The following MAPK10 variants were observed in gnomAD, a reference collection of about 807,000 sequenced individuals.
MAPK10 encodes JNK3 alpha protein kinase.
MAPK10 carries 25 observed loss-of-function variants against 59.3 expected under a neutral mutation model. The observed-to-expected ratio is 0.42, with a 90% CI of 0.31 to 0.59. The LOEUF (loss-of-function observed/expected upper bound fraction) is 0.59, where lower values mean the gene tolerates loss of function less well. Ranked by LOEUF, MAPK10 falls within the 20% of genes least tolerant of loss-of-function variation. MAPK10 has a pLI of 0.15. For missense variants in MAPK10, 351 were observed against 568.9 expected (o/e 0.62, Z 3.90); for synonymous variants, 190 against 200.5 (o/e 0.95, Z 0.44).
intron 11 of MAPK10, among the ~76,000 whole-genome samples, chr4:86,055,963 C>A (rs938322610): frequency 1.3e-5 from 2 of 150,090 alleles, no homozygotes; most frequent in Non-Finnish European, 3.0e-5. Flanking sequence ...AAGTACATTA[C>A]TGTACCCTGT....
intron 3 of MAPK10, among the ~76,000 whole-genome samples, chr4:86,176,784 GGTAGACCGT>G (rs2075778606): frequency 1.3e-5 from 2 of 151,954 alleles, no homozygotes; most frequent in Admixed American, 6.6e-5. Flanking sequence ...CATAAAAACA[GGTAGACCGT>G]TATCATGACA....
At chr4:86,459,498 C>T (rs1038622478) in intron 1 of MAPK10, among the ~76,000 whole-genome samples, 11 of 152,282 alleles carry the variant, frequency 7.2e-5, no homozygotes, top group African/African-American at 2.4e-4. Flanking sequence ...GTGGAACCAA[C>T]CCAAATGCCC....
intron 11 of MAPK10, chr4:86,031,657 A>G (rs2039047907): frequency 2.2e-6 from 1 of 445,842 alleles, no homozygotes; most frequent in Non-Finnish European, 4.0e-6. Flanking sequence ...CAATATTTGC[A>G]GCAGAACGCA....
intron 4 of MAPK10, among the ~76,000 whole-genome samples, chr4:86,137,350 C>G (rs564955428): frequency 6.8e-6 from 1 of 147,606 alleles, no homozygotes; most frequent in Non-Finnish European, 1.5e-5. Flanking sequence ...GACCACAGTG[C>G]AATCAAACTA....
intron 2 of MAPK10, among the ~76,000 whole-genome samples, chr4:86,233,227 T>C (rs2091832864): frequency 1.3e-5 from 2 of 151,940 alleles, no homozygotes; most frequent in South Asian, 4.1e-4. Flanking sequence ...GAACCAAAAA[T>C]ACAGACCCAA....
At chr4:86,161,482 A>G (rs140166068) in intron 3 of MAPK10, among the ~76,000 whole-genome samples, 42 of 152,216 alleles carry the variant, frequency 2.8e-4, no homozygotes, top group African/African-American at 9.9e-4. Flanking sequence ...TTTTTGGCAT[A>G]TGAGTAGAAC....
At chr4:86,384,049 C>T (rs777545850) in intron 1 of MAPK10, 1 of 152,154 alleles carries the variant, frequency 6.6e-6, no homozygotes, top group Non-Finnish European at 1.5e-5. Flanking sequence ...ATAGTTTCTA[C>T]AGAACATTTA....
At chr4:86,387,136 T>C (rs1454853692) in intron 1 of MAPK10, among the ~76,000 whole-genome samples, 3 of 152,164 alleles carry the variant, frequency 2.0e-5, no homozygotes, top group African/African-American at 7.2e-5. Context: ...GCATATTTTA[T>C]TATGCACTTC....
At chr4:86,123,432 G>A (rs76184394) in intron 4 of MAPK10, among the ~76,000 whole-genome samples, 6 of 151,954 alleles carry the variant, frequency 3.9e-5, no homozygotes, top group African/African-American at 9.7e-5. Context: ...GATTGCTGGA[G>A]CATATGGAAG....
intron 5 of MAPK10, 62 bp from the exon 6 acceptor site, chr4:86,103,306 T>G: frequency 1.1e-6 from 1 of 892,818 alleles, no homozygotes; most frequent in Non-Finnish European, 1.9e-6. Context: ...GAATGTATTA[T>G]TTTTAAATTG....
chr4:86,168,213 G>T (rs2149250682), intron 3 of MAPK10, among the ~76,000 whole-genome samples: 1 of 152,328 alleles, frequency 6.6e-6, no homozygotes, highest in Admixed American at 6.5e-5. Context: ...AGTGGGTGCA[G>T]GACAGTGGGT....
At chr4:86,323,215 C>T (rs1256126582) in intron 2 of MAPK10, among the ~76,000 whole-genome samples, 5 of 152,132 alleles carry the variant, frequency 3.3e-5, no homozygotes, top group East Asian at 3.9e-4. Context: ...TATCATCATA[C>T]ATGCTGGAAA....
rs181826028 is a variant in MAPK10 at position 86,550,059 on chromosome 4, A to G, written c.-263+43851T>C. 2.9e-3 allele frequency among the ~76,000 whole-genome samples: 449 copies of G among 152,262 alleles called. 1 individual carries two copies. Among genetic ancestry groups the G allele is most frequent in the Non-Finnish European group, 5.1e-3 (349 of 67,998 alleles). ...TGACTTCCAGGTGTATAGATTTACCATCTGCTTCAAAGACAAGAAACTTCT... is the reference window on the plus strand; with the variant it reads ...TGACTTCCAGGTGTATAGATTTACCGTCTGCTTCAAAGACAAGAAACTTCT... On this transcript the variant is annotated intron_variant, in intron 1 of 4. Coordinates refer to the MAPK10 transcript ENST00000502302.
chr4:86,547,300 G>C (rs1366201686), intron 1 of MAPK10, among the ~76,000 whole-genome samples: 1 of 152,202 alleles, frequency 6.6e-6, no homozygotes, highest in African/African-American at 2.4e-5. Context: ...GGCTCCCTCA[G>C]CTTGCCAGGA....
intron 1 of MAPK10, among the ~76,000 whole-genome samples, chr4:86,422,535 T>C (rs1174647371): frequency 6.6e-6 from 1 of 152,208 alleles, no homozygotes; most frequent in Non-Finnish European, 1.5e-5. Flanking sequence ...GCTGTGCCTA[T>C]GAGAATAATA....
At chr4:86,149,464 G>T (rs1459091787) in intron 4 of MAPK10, among the ~76,000 whole-genome samples, 2 of 151,906 alleles carry the variant, frequency 1.3e-5, no homozygotes, top group Non-Finnish European at 2.9e-5. Context: ...AACAGGTTTC[G>T]CCATGATAGC....
intron 1 of MAPK10, among the ~76,000 whole-genome samples, chr4:86,414,149 G>T (rs564281851): frequency 6.6e-6 from 1 of 152,066 alleles, no homozygotes; most frequent in African/African-American, 2.4e-5. Flanking sequence ...GAATATTTTG[G>T]TAATCATCCT....
At chr4:86,374,050 A>G (rs534826274) in intron 1 of MAPK10, among the ~76,000 whole-genome samples, 2 of 152,336 alleles carry the variant, frequency 1.3e-5, no homozygotes, top group South Asian at 4.1e-4. Flanking sequence ...TGTGGCACAT[A>G]TACACCATGG....
At chr4:86,026,487 T>C (rs1309343164) in intron 13 of MAPK10, 3 of 152,236 alleles carry the variant, frequency 2.0e-5, no homozygotes, top group East Asian at 1.9e-4. Flanking sequence ...TTATCTCTTA[T>C]TGACATACAA....
Sources: gnomAD v4.1 joint callset for allele counts (sites outside exome capture counted in the v4.1 genomes callset) on GRCh38, gnomAD v4.1.1 for gene constraint, MANE v1.5 for transcripts, NCBI Gene and HGNC (gene_info 2026-07-23, HGNC 2026-07-21) for gene names.